Variants in ATP8A2 observed in about 807,000 individuals in gnomAD.
ATP8A2 encodes phospholipid-transporting ATPase IB.
In ATP8A2, 100 loss-of-function variants were observed where a neutral mutation model predicts 165.6. That is an observed-to-expected ratio of 0.60 (90% confidence interval 0.51 to 0.71). ATP8A2 has a LOEUF of 0.71. Ranked by LOEUF, ATP8A2 falls within the 30% of genes least tolerant of loss-of-function variation. The pLI is 0.00. For synonymous variants in ATP8A2, 543 were observed against 548.8 expected (o/e 0.99, Z 0.15); for missense variants, 1,227 against 1,479.5 (o/e 0.83, Z 2.80).
At chr13:25,702,697 TC>T (rs2042976562) in intron 25 of ATP8A2, among the ~76,000 whole-genome samples, 1 of 152,210 alleles carries the variant, frequency 6.6e-6, no homozygotes, top group South Asian at 2.1e-4. Flanking sequence ...CTCACATACA[TC>T]CCAATTCCTT....
intron 1 of ATP8A2, among the ~76,000 whole-genome samples, chr13:25,457,471 G>T (rs866381207): frequency 6.6e-6 from 1 of 152,078 alleles, no homozygotes; most frequent in African/African-American, 2.4e-5. Flanking sequence ...GCATTGAGCT[G>T]GTTGCTTCAT....
At chr13:25,421,948 T>C (rs920993556) in intron 1 of ATP8A2, among the ~76,000 whole-genome samples, 15 of 152,196 alleles carry the variant, frequency 9.9e-5, no homozygotes, top group African/African-American at 3.6e-4. Context: ...CATCAGCATT[T>C]TTCCATATCA....
At chr13:25,580,044 G>A (rs972701680) in intron 22 of ATP8A2, 97 bp downstream of exon 22, 9 of 1,381,622 alleles carry the variant, frequency 6.5e-6, no homozygotes, top group Middle Eastern at 1.8e-4. Flanking sequence ...ATGTAGGGAT[G>A]TTCTCTTTTC....
intron 1 of ATP8A2, among the ~76,000 whole-genome samples, chr13:25,425,237 G>A (rs563069040): frequency 7.6e-4 from 116 of 152,164 alleles, no homozygotes; most frequent in South Asian, 1.2e-3. Context: ...CATTACTGCT[G>A]TGTTTTGTAT....
At chr13:25,868,075 G>T in intron 33 of ATP8A2, 1 of 455,398 alleles carries the variant, frequency 2.2e-6, no homozygotes, top group South Asian at 1.6e-5. Context: ...GGGTAGCCCC[G>T]GCCAAGGAAT....
At chr13:25,933,300 C>G (rs771150784) in intron 33 of ATP8A2, among the ~76,000 whole-genome samples, 1 of 152,184 alleles carries the variant, frequency 6.6e-6, no homozygotes, top group African/African-American at 2.4e-5. Context: ...CCTATTTTCC[C>G]TGATGGTTTT....
Position 25,836,559 on chromosome 13 carries a change from G to A in ATP8A2, c.2755-604G>A, listed in dbSNP as rs114914443. On this transcript the variant is annotated intron_variant, in intron 28 of 36. Coordinates refer to ENST00000381655, the MANE Select transcript of ATP8A2 (RefSeq NM_016529.6). Reference sequence around the variant, plus strand: ...GGTATTAATAGTTTTGCAGAGCTCCGCGTTTTGTATATTTACCTCTATGCC... The same window carrying A: ...GGTATTAATAGTTTTGCAGAGCTCCACGTTTTGTATATTTACCTCTATGCC... Among the ~76,000 whole-genome samples, 620 of 152,196 alleles carry A rather than the reference G, an allele frequency of 4.1e-3. 2 individuals carry two copies. Among genetic ancestry groups the A allele is most frequent in the African/African-American group, 0.014 (580 of 41,532 alleles).
In ATP8A2 at chr13:25,589,828, GTTTATA is replaced by G. The variant is rs2040022845; in HGVS notation, c.2211+140_2211+145del. The G allele has an allele frequency of 2.5e-5, 14 of 570,192 alleles. No homozygotes were observed. The East Asian group carries it at 4.0e-4, about 16-fold the overall frequency. The allele number at this position is 570,192 out of a possible 1,614,324, so 35.3% of individuals were successfully genotyped here. A position where few individuals can be genotyped will look rare whatever the true frequency, so the allele number is the denominator to read the frequency against. On this transcript the variant is annotated intron_variant, in intron 24 of 36. Coordinates refer to ENST00000381655, the MANE Select transcript of ATP8A2 (RefSeq NM_016529.6). ...TATGAAAAAACTGTGTTTATTTTCTGTTTATATTTATATTTAAGAATGGATGTCAGA... is the reference window on the plus strand; with the variant it reads ...TATGAAAAAACTGTGTTTATTTTCTGTTTATATTTAAGAATGGATGTCAGA...
At chr13:25,481,585 C>G (rs1262486036) in intron 2 of ATP8A2, among the ~76,000 whole-genome samples, 1 of 152,196 alleles carries the variant, frequency 6.6e-6, no homozygotes, top group African/African-American at 2.4e-5. Flanking sequence ...GAGAGACAGA[C>G]AGGGAGGGTA....
intron 27 of ATP8A2, among the ~76,000 whole-genome samples, chr13:25,807,154 G>GTT (rs55690312): frequency 1.0e-3 from 146 of 145,964 alleles, no homozygotes; most frequent in African/African-American, 3.5e-3. Flanking sequence ...TCTTTATAGT[G>GTT]TTTTTTTTTT....
At chr13:25,448,502 A>C (rs1188928247) in intron 1 of ATP8A2, among the ~76,000 whole-genome samples, 1 of 152,222 alleles carries the variant, frequency 6.6e-6, no homozygotes, top group African/African-American at 2.4e-5. Flanking sequence ...TTTCTGTAAA[A>C]GTGGGGGAAA....
At chr13:25,542,616 C>T (rs1472822425) in intron 9 of ATP8A2, among the ~76,000 whole-genome samples, 5 of 152,074 alleles carry the variant, frequency 3.3e-5, no homozygotes, top group Non-Finnish European at 7.4e-5. Context: ...CTTGCCAATG[C>T]CCCCTCCAAC....
rs564954562 is a variant in ATP8A2, at chr13:25,739,092, T to C, written c.2385-29954T>C. 1.1e-3 allele frequency among the ~76,000 whole-genome samples: 171 copies of C among 152,142 alleles called. 1 individual carries two copies. The highest frequency in any genetic ancestry group is 4.0e-3 in the African/African-American group (165 of 41,502). On this transcript the variant is annotated intron_variant, in intron 25 of 36. Coordinates refer to ENST00000381655, the MANE Select transcript of ATP8A2 (RefSeq NM_016529.6). ...CTCTTGAACTTCTGGAGCAGGAGAG[T>C]CACATCATGGGATTTGAGCAGGGGA...
intron 30 of ATP8A2, among the ~76,000 whole-genome samples, chr13:25,853,542 C>T (rs1952073215): frequency 6.6e-6 from 1 of 151,828 alleles, no homozygotes; most frequent in African/African-American, 2.4e-5. Flanking sequence ...CTGACTCAAC[C>T]AGATTGGAAA....
At chr13:25,410,516 C>A (rs1250675144) in intron 1 of ATP8A2, among the ~76,000 whole-genome samples, 1 of 152,192 alleles carries the variant, frequency 6.6e-6, no homozygotes, top group Non-Finnish European at 1.5e-5. Context: ...TGGTGCATGT[C>A]AGTTCATTCT....
chr13:25,817,363 A>G (rs1318607), intron 27 of ATP8A2, among the ~76,000 whole-genome samples: 19,690 of 63,086 alleles, frequency 0.31, 1,956 homozygotes, highest in African/African-American at 0.38. Flanking sequence ...GGGGGGGGGG[A>G]AACACGATTT....
chr13:25,603,488 AAT>A (rs2040440921), intron 24 of ATP8A2, among the ~76,000 whole-genome samples: 1 of 149,182 alleles, frequency 6.7e-6, no homozygotes, highest in African/African-American at 2.5e-5. Context: ...AAAAAAAAAA[AAT>A]TTTAAAAAGA....
intron 8 of ATP8A2, among the ~76,000 whole-genome samples, chr13:25,541,397 C>T (rs1390955207): frequency 6.6e-6 from 1 of 152,048 alleles, no homozygotes; most frequent in Non-Finnish European, 1.5e-5. Flanking sequence ...ATGGCACATA[C>T]CTGTAGTCCC....
intron 24 of ATP8A2, among the ~76,000 whole-genome samples, chr13:25,633,012 G>C (rs1039921053): frequency 6.6e-6 from 1 of 152,166 alleles, no homozygotes; most frequent in Non-Finnish European, 1.5e-5. Context: ...TAAAACTCCT[G>C]AGTCACGGAA....
Sources: gnomAD v4.1 joint callset for allele counts (sites outside exome capture counted in the v4.1 genomes callset) on GRCh38, gnomAD v4.1.1 for gene constraint, MANE v1.5 for transcripts, NCBI Gene and HGNC (gene_info 2026-07-23, HGNC 2026-07-21) for gene names.